The following MYADML2 variants were observed in gnomAD, a reference collection of about 807,000 sequenced individuals.
The protein encoded by MYADML2 is myeloid-associated differentiation marker-like protein 2.
MYADML2 carries 17 observed loss-of-function variants against 16.0 expected under a neutral mutation model. The observed-to-expected ratio is 1.06, with a 90% CI of 0.73 to 1.60. The LOEUF (loss-of-function observed/expected upper bound fraction) is 1.60, where lower values mean the gene tolerates loss of function less well. Among genes scored for constraint, MYADML2 ranks in the 40% most tolerant of loss-of-function variants. The probability of loss-of-function intolerance (pLI) is 0.00; values close to 1 mark genes in which losing one functional copy is unlikely to be tolerated. For missense variants in MYADML2, 422 were observed against 437.7 expected, an observed-to-expected ratio of 0.96 and a Z score of 0.32; for synonymous variants, 210 against 208.1, an observed-to-expected ratio of 1.01 and a Z score of -0.08.
At position 81,942,847 on chromosome 17, in the gene MYADML2, G is replaced by C. The variant is rs1192121551; in HGVS notation, c.-180-474C>G. Among the ~76,000 whole-genome samples the C allele has an allele frequency of 6.6e-6, 1 of 151,894 alleles. No homozygotes were observed. Among genetic ancestry groups the C allele is most frequent in the African/African-American group, 2.4e-5 (1 of 41,354 alleles). On this transcript the variant is annotated intron_variant, in intron 1 of 2. Transcript: ENST00000409745. This position sits in a 1 kb window ranked among gnomAD's most constrained non-coding sequence, Gnocchi z 4.4. Reference sequence around the variant, plus strand: ...ATTATAGGCGTGAGCCACTAGGTCCGGCCCCTCTTTTTTTTCGAGATAGGG... The same window carrying C: ...ATTATAGGCGTGAGCCACTAGGTCCCGCCCCTCTTTTTTTTCGAGATAGGG...
rs761451771 is a variant in MYADML2 at position 81,941,044 on chromosome 17, A to G, written c.698T>C (p.Val233Ala). The G allele has an allele frequency of 6.5e-7, 1 of 1,550,318 alleles. No homozygotes were observed. Among genetic ancestry groups the G allele is most frequent in the Non-Finnish European group, 8.7e-7 (1 of 1,146,992 alleles). ...LGCPFDRLVV[V>A]YTFLAVLLYL... ...CAGGAGCACAGCCAGGAAGGTGTAC[A>G]CCACCACCAGCCGGTCAAAGGGGCA... Residue 233 changes from valine to alanine, a missense_variant, in exon 3 of 3, where the codon GTG (valine) becomes GCG (alanine). Coordinates refer to ENST00000409745, the MANE Select transcript of MYADML2 (RefSeq NM_001145113.3).
rs1396155550 is a variant in MYADML2 at position 81,942,580 on chromosome 17, T to A, written c.-180-207A>T. On this transcript the variant is annotated intron_variant, in intron 1 of 2. Coordinates refer to ENST00000409745, the MANE Select transcript of MYADML2 (RefSeq NM_001145113.3). The surrounding 1 kb of genome is among the most constrained non-coding windows in gnomAD (Gnocchi z 4.4). ...AGAAAAACACTCAACTCTTCCCTTT[T>A]TTTTTGAGATGGAGCCTCGCTCTGT... Among the ~76,000 whole-genome samples, 1 of 152,224 alleles carries A rather than the reference T, an allele frequency of 6.6e-6. No individual in the cohort carries two copies. Among genetic ancestry groups the A allele is most frequent in the Admixed American group, 6.5e-5 (1 of 15,288 alleles).
Position 81,940,778 on chromosome 17 carries a change from G to A in MYADML2, c.*40C>T. On this transcript the variant is annotated 3_prime_UTR_variant, in exon 3 of 3. Coordinates refer to ENST00000409745, the MANE Select transcript of MYADML2 (RefSeq NM_001145113.3). ...AGTTTCCCTCGCAGAGCCTGGAGCTGGTGGCCAGAGAGCAGAGGTGGGTGG... is the reference window on the plus strand; with the variant it reads ...AGTTTCCCTCGCAGAGCCTGGAGCTAGTGGCCAGAGAGCAGAGGTGGGTGG... The A allele has an allele frequency of 3.0e-5, 44 of 1,464,512 alleles. No homozygotes were observed. Among genetic ancestry groups the A allele is most frequent in the Non-Finnish European group, 3.9e-5 (43 of 1,103,278 alleles). The allele number at this position is 1,464,512 out of a possible 1,614,324, so 90.7% of individuals were successfully genotyped here.
intron 1 of MYADML2, among the ~76,000 whole-genome samples, chr17:81,943,074 C>CT (rs111803467): frequency 0.057 from 8,385 of 146,048 alleles, 666 homozygotes; most frequent in African/African-American, 0.17. Flanking sequence ...AAAATGATAT[C>CT]TTTTTTTTTT....
Position 81,941,775 on chromosome 17 carries a change from C to G in MYADML2, c.-34G>C. On this transcript the variant is annotated 5_prime_UTR_variant, in exon 3 of 3. Transcript: ENST00000409745. ...CCACGTTTCCAGCTCACACAGTCCC[C>G]CAAGGCCCTGGGGTCCCTGCTGGGC... 1 of 1,472,096 alleles carries G rather than the reference C, an allele frequency of 6.8e-7. No homozygotes were observed. Among genetic ancestry groups the G allele is most frequent in the South Asian group, 1.4e-5 (1 of 72,586 alleles). The allele number at this position is 1,472,096 out of a possible 1,614,324, so 91.2% of individuals were successfully genotyped here. A position where few individuals can be genotyped will look rare whatever the true frequency, so the allele number is the denominator to read the frequency against.
Position 81,941,157 on chromosome 17 carries a change from C to G in MYADML2, c.585G>C (p.Gln195His). The change falls in exon 3 of 3, where the codon CAG (glutamine) becomes CAC (histidine). Residue 195 changes from glutamine (Q) to histidine (H), a missense_variant. Physicochemically the swap from Gln to His is conservative, Grantham distance 24. Coordinates refer to ENST00000409745, the MANE Select transcript of MYADML2 (RefSeq NM_001145113.3). ...ACAGGCTGTAGACGGCCACGCACCA[C>G]TGGGTGGCCACGTAGCGCCCGTAGC... is the stretch of plus-strand genomic sequence containing the variant. The part of the protein sequence containing the change: ...DSRYGRYVAT[Q>H]WCVAVYSLCF... 1 of 1,550,240 alleles carries G rather than the reference C, an allele frequency of 6.5e-7. No individual in the cohort carries two copies.
chr17:81,947,038 G>A (rs916782937), intron 1 of MYADML2, 21 bp downstream of exon 1: 3 of 152,110 alleles, frequency 2.0e-5, no homozygotes, highest in African/African-American at 7.2e-5. Flanking sequence ...TGTAACAACT[G>A]TTTACATAGA....
intron 1 of MYADML2, among the ~76,000 whole-genome samples, chr17:81,945,860 C>T (rs1045925909): frequency 6.6e-6 from 1 of 151,894 alleles, no homozygotes; most frequent in African/African-American, 2.4e-5. Context: ...CAATGAAACC[C>T]CATCTCCAAA....
intron 1 of MYADML2, among the ~76,000 whole-genome samples, chr17:81,945,455 C>A (rs1413332090): frequency 6.6e-6 from 1 of 151,818 alleles, no homozygotes; most frequent in African/African-American, 2.4e-5. Flanking sequence ...AGGAGAATGG[C>A]GTGAACCCGG....
intron 2 of MYADML2, 91 bp from the exon 3 acceptor site, chr17:81,941,934 G>A (rs1439664110): frequency 3.7e-6 from 2 of 541,040 alleles, no homozygotes; most frequent in Non-Finnish European, 6.4e-6. Flanking sequence ...TAAATAGACA[G>A]CCGTGATCAG....
intron 1 of MYADML2, among the ~76,000 whole-genome samples, chr17:81,945,992 A>G (rs1274876922): frequency 1.3e-5 from 2 of 152,128 alleles, no homozygotes; most frequent in Non-Finnish European, 2.9e-5. Context: ...GGCGGGTGAC[A>G]CCTGCTACAT....
chr17:81,943,001 C>G (rs1392157942), intron 1 of MYADML2, among the ~76,000 whole-genome samples: 2 of 152,086 alleles, frequency 1.3e-5, no homozygotes, highest in Non-Finnish European at 2.9e-5. Flanking sequence ...TATTTAACCA[C>G]TTGCACTCAC....
chr17:81,943,320 C>T (rs920928375), intron 1 of MYADML2, among the ~76,000 whole-genome samples: 3 of 151,476 alleles, frequency 2.0e-5, no homozygotes, highest in South Asian at 2.1e-4. Flanking sequence ...CCACCTGCCT[C>T]GGCCTCCCAA....
rs113455339 is a variant in MYADML2, at chr17:81,942,207, C to G, written c.-103+89G>C. On this transcript the variant is annotated intron_variant, in intron 2 of 2. Transcript: ENST00000409745. The surrounding 1 kb of genome is among the most constrained non-coding windows in gnomAD (Gnocchi z 4.4). ...CCAGCAGCCTCCAGGGCCAGCTGTG[C>G]GGGGGAGGGGTGTAGGAGGCAGGAG... 155,066 of 155,260 alleles carry G rather than the reference C, an allele frequency of 1. 77,436 individuals are homozygous for G. Among genetic ancestry groups the G allele is most frequent in the Middle Eastern group, 1 (298 of 298 alleles). The allele number at this position is 155,260 out of a possible 1,614,324, so 9.6% of individuals were successfully genotyped here. A position where few individuals can be genotyped will look rare whatever the true frequency, so the allele number is the denominator to read the frequency against.
intron 1 of MYADML2, among the ~76,000 whole-genome samples, chr17:81,944,754 C>T (rs1339707794): frequency 2.6e-5 from 4 of 152,170 alleles, no homozygotes; most frequent in Non-Finnish European, 5.9e-5. Context: ...CCAGGAGGGA[C>T]AGGGGCTGAA....
rs369018353 is a variant in MYADML2, at chr17:81,940,616, G to T, written c.*202C>A. ...GAGGCTCTCCCCTGCGTCTGCTCAGGGCCTCTGCCCTACTGTCCTGCCCTT... is the reference window on the plus strand; with the variant it reads ...GAGGCTCTCCCCTGCGTCTGCTCAGTGCCTCTGCCCTACTGTCCTGCCCTT... On this transcript the variant is annotated 3_prime_UTR_variant, in exon 3 of 3. Transcript: ENST00000409745. 12 of 588,738 alleles carry T rather than the reference G, an allele frequency of 2.0e-5. No individual in the cohort carries two copies. Among genetic ancestry groups the T allele is most frequent in the African/African-American group, 1.7e-4 (9 of 53,928 alleles). 36.5% of individuals were successfully genotyped at this position (588,738 alleles called of 1,614,324 possible).
At chr17:81,945,517 C>T (rs1288135103) in intron 1 of MYADML2, among the ~76,000 whole-genome samples, 23 of 150,566 alleles carry the variant, frequency 1.5e-4, no homozygotes, top group Admixed American at 1.3e-3. Context: ...CCAGCCTGGG[C>T]AACAGAGCAA....
At position 81,947,196 on chromosome 17, in the gene MYADML2, T is replaced by C. The variant is rs1567935068; in HGVS notation, c.-318A>G. The C allele has an allele frequency of 6.6e-6, 1 of 152,166 alleles. No individual in the cohort carries two copies. Among genetic ancestry groups the C allele is most frequent in the East Asian group, 1.9e-4 (1 of 5,202 alleles). The allele number at this position is 152,166 out of a possible 1,614,324, so 9.4% of individuals were successfully genotyped here. ...GGTACTGGATCCCATCCCCCAAGGA[T>C]ACAAAGGGACAGCTGTACTTGGGAC... On this transcript the variant is annotated 5_prime_UTR_variant, in exon 1 of 3. Coordinates refer to ENST00000409745, the MANE Select transcript of MYADML2 (RefSeq NM_001145113.3).
rs576597433 is a variant in MYADML2 at position 81,942,686 on chromosome 17, G to A, written c.-180-313C>T. On this transcript the variant is annotated intron_variant, in intron 1 of 2. Coordinates refer to ENST00000409745, the MANE Select transcript of MYADML2 (RefSeq NM_001145113.3). This position sits in a 1 kb window ranked among gnomAD's most constrained non-coding sequence, Gnocchi z 4.4. ...CTGCCTCAGCCTCCCAAGTAGCTGA[G>A]ATTACAGGCGTGAGCCACCATGCCT... Among the ~76,000 whole-genome samples, 1 of 152,136 alleles carries A rather than the reference G, an allele frequency of 6.6e-6. No homozygotes were observed. Among genetic ancestry groups the A allele is most frequent in the South Asian group, 2.1e-4 (1 of 4,820 alleles).
Sources: allele counts gnomAD v4.1 joint callset (sites outside exome capture counted in the v4.1 genomes callset), GRCh38; gene constraint gnomAD v4.1.1; non-coding constraint Gnocchi (gnomAD v3.1); transcripts MANE v1.5; gene names NCBI Gene and HGNC (gene_info 2026-07-23, HGNC 2026-07-21).